The following LSM12 variants were observed in gnomAD, a reference collection of about 807,000 sequenced individuals.
The protein encoded by LSM12 is LSM12 homolog.
For synonymous variants in LSM12, 74 were observed against 87.3 expected (o/e 0.85, Z 0.85); for missense variants, 108 against 238.9 (o/e 0.45, Z 3.61).
At chr17:44,047,939 T>G (rs2049591131) in intron 2 of LSM12, among the ~76,000 whole-genome samples, 1 of 151,212 alleles carries the variant, frequency 6.6e-6, no homozygotes, top group Non-Finnish European at 1.5e-5. Context: ...ATCCTAGCAC[T>G]TTGGGAGGCT....
intron 3 of LSM12, among the ~76,000 whole-genome samples, chr17:44,038,031 A>G (rs2049437610): frequency 1.3e-5 from 2 of 152,136 alleles, no homozygotes; most frequent in South Asian, 2.1e-4. Flanking sequence ...CCATTGGCCT[A>G]GGGAGAAATA....
At chr17:44,043,502 C>T (rs2049521619) in intron 2 of LSM12, among the ~76,000 whole-genome samples, 1 of 151,046 alleles carries the variant, frequency 6.6e-6, no homozygotes, top group Non-Finnish European at 1.5e-5. Context: ...CAACAAGCAA[C>T]GCTTACTCAA....
chr17:44,046,837 T>C (rs909403670), intron 2 of LSM12, among the ~76,000 whole-genome samples: 2 of 145,782 alleles, frequency 1.4e-5, no homozygotes, highest in Non-Finnish European at 3.0e-5. Flanking sequence ...TTCAAGTGAT[T>C]CTCCTGCCTC....
At chr17:44,062,903 T>C (rs566614058) in intron 2 of LSM12, among the ~76,000 whole-genome samples, 87 of 148,370 alleles carry the variant, frequency 5.9e-4, no homozygotes, top group Non-Finnish European at 1.8e-4. Context: ...TGTGCCTGTC[T>C]CCAAAAAAAA....
intron 3 of LSM12, among the ~76,000 whole-genome samples, chr17:44,038,052 A>G (rs2049437830): frequency 6.6e-6 from 1 of 152,118 alleles, no homozygotes; most frequent in Non-Finnish European, 1.5e-5. Flanking sequence ...CCACCTTTAG[A>G]AAGACAGGAG....
chr17:44,061,081 GCTGAGGCGGGCGGATCAC>G (rs1332065304), intron 2 of LSM12, among the ~76,000 whole-genome samples: 1 of 152,128 alleles, frequency 6.6e-6, no homozygotes, highest in African/African-American at 2.4e-5. Flanking sequence ...ACTTTGGGAG[GCTGAGGCGGGCGGATCAC>G]CTGAGGTCGG....
rs113231718 is a variant in LSM12, at chr17:44,057,758, CA to C, written c.258+6042del. The stretch of plus-strand genomic sequence containing the variant: ...TGGGAGACAGACGGAGACTCTGTCT[CA>C]AAAAAAAAACAAAGTAATAATAATA... On this transcript the variant is annotated intron_variant, in intron 2 of 4. Transcript: ENST00000293406. Among the ~76,000 whole-genome samples the C allele has an allele frequency of 1.8e-4, 25 of 138,884 alleles. 1 individual carries two copies. Among genetic ancestry groups the C allele is most frequent in the African/African-American group, 5.6e-4 (21 of 37,536 alleles). 91.1% of individuals were successfully genotyped at this position (138,884 alleles called of 152,430 possible). A position where few individuals can be genotyped will look rare whatever the true frequency, so the allele number is the denominator to read the frequency against.
chr17:44,048,064 C>T (rs570944568), intron 2 of LSM12, among the ~76,000 whole-genome samples: 41 of 137,128 alleles, frequency 3.0e-4, no homozygotes, highest in African/African-American at 8.0e-4. Context: ...CACACACACA[C>T]GCAAATAAAA....
intron 3 of LSM12, among the ~76,000 whole-genome samples, chr17:44,039,526 C>T (rs1289274567): frequency 2.6e-5 from 4 of 151,064 alleles, no homozygotes; most frequent in African/African-American, 7.3e-5. Context: ...GGACTACAGG[C>T]GCCCGCCACC....
intron 2 of LSM12, among the ~76,000 whole-genome samples, chr17:44,053,183 G>A (rs78501768): frequency 0.01 from 1,525 of 152,088 alleles, 14 homozygotes; most frequent in Admixed American, 0.014. Context: ...CTATACCAAG[G>A]GTTGGCAAAC....
intron 4 of LSM12, among the ~76,000 whole-genome samples, chr17:44,036,629 A>C (rs2049418467): frequency 1.3e-5 from 2 of 152,112 alleles, no homozygotes; most frequent in Admixed American, 1.3e-4. Flanking sequence ...CTGCTGGGGG[A>C]ATTACAGTCT....
rs2049486838 is a variant in LSM12, at chr17:44,041,286, AACAAACAC to A, written c.259-1038_259-1031del. Among the ~76,000 whole-genome samples the A allele has an allele frequency of 3.5e-5, 4 of 113,554 alleles. No individual in the cohort carries two copies. The South Asian group carries it at 1.2e-3, about 33-fold the overall frequency. The allele number at this position is 113,554 out of a possible 152,430, so 74.5% of individuals were successfully genotyped here. A position where few individuals can be genotyped will look rare whatever the true frequency, so the allele number is the denominator to read the frequency against. On this transcript the variant is annotated intron_variant, in intron 2 of 4. Transcript: ENST00000293406. ...ACTCTGTCTCTTTAAAAAAAAAAAAAACAAACACACACACACACACACACACACACACA... is the reference window on the plus strand; with the variant it reads ...ACTCTGTCTCTTTAAAAAAAAAAAAAACACACACACACACACACACACACA...
chr17:44,048,481 C>CAAAAAAA (rs534794067), intron 2 of LSM12, among the ~76,000 whole-genome samples: 2 of 64,384 alleles, frequency 3.1e-5, no homozygotes, highest in African/African-American at 5.5e-5. Flanking sequence ...GACTCCATCT[C>CAAAAAAA]AAAAAAAAAA....
At chr17:44,066,795 G>T, upstream of LSM12, 1 of 521,450 alleles carries the variant, frequency 1.9e-6, no homozygotes, top group Non-Finnish European at 2.8e-6. Flanking sequence ...GTATAGCTGC[G>T]TCCGCTCGGT....
intron 2 of LSM12, among the ~76,000 whole-genome samples, chr17:44,059,376 G>A (rs2049765294): frequency 6.6e-6 from 1 of 151,898 alleles, no homozygotes; most frequent in Non-Finnish European, 1.5e-5. Flanking sequence ...ATTATCTGAG[G>A]TCAGGAGTTC....
At position 44,056,630 on chromosome 17, in the gene LSM12, T is replaced by C. The variant is rs1167283784; in HGVS notation, c.258+7171A>G. Among the ~76,000 whole-genome samples, 3 of 150,872 alleles carry C rather than the reference T, an allele frequency of 2.0e-5. 1 individual carries two copies. Among genetic ancestry groups the C allele is most frequent in the East Asian group, 3.9e-4 (2 of 5,126 alleles). On this transcript the variant is annotated intron_variant, in intron 2 of 4. Coordinates refer to ENST00000293406, the MANE Select transcript of LSM12 (RefSeq NM_001371445.1). ...ACTGCTTGAACCCAGGAGGCAGAGG[T>C]TGCAGTGAGCTGAGATTGCACCACT... is the stretch of plus-strand genomic sequence containing the variant.
chr17:44,050,516 ATTTT>A (rs113543595), intron 2 of LSM12, among the ~76,000 whole-genome samples: 1 of 140,074 alleles, frequency 7.1e-6, no homozygotes, highest in East Asian at 2.1e-4. Flanking sequence ...GTGCCTGAAC[ATTTT>A]TTTTTTTTTT....
chr17:44,056,952 T>C (rs977649533), intron 2 of LSM12, among the ~76,000 whole-genome samples: 3 of 151,656 alleles, frequency 2.0e-5, no homozygotes, highest in Middle Eastern at 3.4e-3. Context: ...AATCGTGCCA[T>C]TGCACTCCAG....
intron 1 of LSM12, 120 bp from the exon 2 acceptor site, chr17:44,064,054 G>C: frequency 1.8e-6 from 2 of 1,087,788 alleles, no homozygotes; most frequent in Non-Finnish European, 2.6e-6. Flanking sequence ...AGGAGCATGA[G>C]GGCCTTATAA....
Sources: allele counts gnomAD v4.1 joint callset (sites outside exome capture counted in the v4.1 genomes callset), GRCh38; gene constraint gnomAD v4.1.1; transcripts MANE v1.5; gene names NCBI Gene and HGNC (gene_info 2026-07-23, HGNC 2026-07-21).